Variants in SLC30A8 observed in about 807,000 individuals in gnomAD.
SLC30A8 encodes solute carrier family 30 member 8, also known as proton-coupled zinc antiporter SLC30A8.
SLC30A8 carries 27 observed loss-of-function variants against 36.9 expected under a neutral mutation model. That is an observed-to-expected ratio of 0.73 (90% CI 0.54 to 1.01). The LOEUF is 1.01. SLC30A8 is among the 50% of genes least tolerant of loss of function. The pLI is 0.00. For missense variants in SLC30A8, 439 were observed against 452.0 expected (o/e 0.97, Z 0.26); for synonymous variants, 164 against 172.4 (o/e 0.95, Z 0.38).
chr8:116,987,605 C>T (rs1815491744), intron 1 of SLC30A8, among the ~76,000 whole-genome samples: 1 of 150,902 alleles, frequency 6.6e-6, no homozygotes, highest in East Asian at 1.9e-4. Context: ...ATCCAGGCAT[C>T]TCACTACTAT....
intron 1 of SLC30A8, among the ~76,000 whole-genome samples, chr8:116,961,375 G>A (rs1339380815): frequency 1.3e-5 from 2 of 152,266 alleles, no homozygotes; most frequent in East Asian, 3.9e-4. Context: ...CTTGCAGTGA[G>A]CCGAGATCGC....
At chr8:117,001,419 A>G (rs1037653761) in intron 1 of SLC30A8, among the ~76,000 whole-genome samples, 7 of 152,104 alleles carry the variant, frequency 4.6e-5, no homozygotes, top group Non-Finnish European at 8.8e-5. Flanking sequence ...CAGCCTGACT[A>G]TCTCTCTTCT....
In SLC30A8 at chr8:117,035,862, GC is replaced by G. The variant is rs536516596; in HGVS notation, c.-265-3352del. ...CTTGCACCTCTAAAGCTGTACCTCA[GC>G]CCCCTTTAGCCACAGCTGGAGCTGG... On this transcript the variant is annotated intron_variant, in intron 1 of 10. Transcript: ENST00000427715. Among the ~76,000 whole-genome samples the G allele has an allele frequency of 7.1e-3, 1,075 of 152,308 alleles. 6 individuals carry two copies. The highest frequency in any genetic ancestry group is 0.013 in the Non-Finnish European group (854 of 68,018).
chr8:117,121,288 T>G (rs1820683609), intron 2 of SLC30A8, among the ~76,000 whole-genome samples: 1 of 151,964 alleles, frequency 6.6e-6, no homozygotes, highest in African/African-American at 2.4e-5. Context: ...GGTATATACA[T>G]ACAATGGAAT....
intron 2 of SLC30A8, among the ~76,000 whole-genome samples, chr8:117,117,108 T>G (rs1414180128): frequency 6.6e-6 from 1 of 151,980 alleles, no homozygotes; most frequent in Non-Finnish European, 1.5e-5. Context: ...AGACCCATCT[T>G]TAGAATAATT....
At chr8:117,052,116 T>A (rs1817729313) in intron 2 of SLC30A8, among the ~76,000 whole-genome samples, 1 of 152,164 alleles carries the variant, frequency 6.6e-6, no homozygotes, top group African/African-American at 2.4e-5. Context: ...GTTCAAGCGA[T>A]TCTCCTGCCT....
chr8:117,014,796 C>G (rs918099573), intron 1 of SLC30A8, among the ~76,000 whole-genome samples: 1 of 152,094 alleles, frequency 6.6e-6, no homozygotes, highest in African/African-American at 2.4e-5. Flanking sequence ...TACCCTTCCT[C>G]AGTTCCCTGC....
intron 2 of SLC30A8, among the ~76,000 whole-genome samples, chr8:117,051,602 A>G (rs1176582049): frequency 6.6e-6 from 1 of 152,102 alleles, no homozygotes; most frequent in African/African-American, 2.4e-5. Flanking sequence ...TCACAAGGTC[A>G]GGAGATCGAG....
chr8:117,020,083 A>G (rs1337203664), intron 1 of SLC30A8, among the ~76,000 whole-genome samples: 2 of 152,320 alleles, frequency 1.3e-5, no homozygotes, highest in African/African-American at 4.8e-5. Flanking sequence ...GGGCTCAGTC[A>G]TAGGAGGAGA....
chr8:117,031,311 A>G (rs1354430201), intron 1 of SLC30A8, among the ~76,000 whole-genome samples: 1 of 152,222 alleles, frequency 6.6e-6, no homozygotes, highest in Non-Finnish European at 1.5e-5. Context: ...TTTAGAGAGA[A>G]ACAGTAATCA....
chr8:116,957,001 C>G (rs747671229), intron 1 of SLC30A8, among the ~76,000 whole-genome samples: 22 of 152,122 alleles, frequency 1.4e-4, no homozygotes, highest in Non-Finnish European at 2.6e-4. Flanking sequence ...TTTCAATACT[C>G]ATGATATGAG....
intron 1 of SLC30A8, among the ~76,000 whole-genome samples, chr8:116,986,632 G>A (rs1310167850): frequency 6.6e-6 from 1 of 152,106 alleles, no homozygotes; most frequent in Non-Finnish European, 1.5e-5. Flanking sequence ...TGGTGTTCAG[G>A]GAGAATTAAT....
intron 2 of SLC30A8, among the ~76,000 whole-genome samples, chr8:117,128,023 G>GC (rs1820977505): frequency 6.6e-6 from 1 of 152,038 alleles, no homozygotes; most frequent in South Asian, 2.1e-4. Context: ...TTTAGCATCA[G>GC]CTTAGAGCTT....
chr8:117,019,950 C>A (rs10429430), intron 1 of SLC30A8, among the ~76,000 whole-genome samples: 65,795 of 152,050 alleles, frequency 0.43, 14,890 homozygotes, highest in East Asian at 0.55. Context: ...TGTAGGACAA[C>A]AACACTTTCA....
In SLC30A8 at chr8:117,174,252, G is replaced by A. The variant is rs1052068923; in HGVS notation, c.*1571G>A. On this transcript the variant is annotated 3_prime_UTR_variant, in exon 8 of 8. Coordinates refer to ENST00000456015, the MANE Select transcript of SLC30A8 (RefSeq NM_173851.3). Reference sequence around the variant, plus strand: ...AGGCATTAATAATTGTTGAGGCAATGACTCTGAGGCTATATCTGGGCCTTG... The same window carrying A: ...AGGCATTAATAATTGTTGAGGCAATAACTCTGAGGCTATATCTGGGCCTTG... 1.3e-5 allele frequency: 2 copies of A among 152,124 alleles called. No individual in the cohort carries two copies. Among genetic ancestry groups the A allele is most frequent in the African/African-American group, 4.8e-5 (2 of 41,442 alleles). The allele number at this position is 152,124 out of a possible 1,614,324, so 9.4% of individuals were successfully genotyped here.
chr8:117,114,291 G>T (rs979419936), intron 2 of SLC30A8, among the ~76,000 whole-genome samples: 7 of 152,050 alleles, frequency 4.6e-5, no homozygotes, highest in Non-Finnish European at 1.0e-4. Flanking sequence ...AATTGACAAG[G>T]ACCATCACTG....
intron 2 of SLC30A8, among the ~76,000 whole-genome samples, chr8:117,092,242 C>A (rs1819164212): frequency 6.6e-6 from 1 of 152,126 alleles, no homozygotes; most frequent in South Asian, 2.1e-4. Flanking sequence ...AGTGACTCCT[C>A]ATATGAGCAA....
At chr8:117,134,311 A>C (rs919266809), upstream of SLC30A8, among the ~76,000 whole-genome samples, 3 of 152,010 alleles carry the variant, frequency 2.0e-5, no homozygotes, top group Admixed American at 2.0e-4. Context: ...TCCAGTCTGC[A>C]CAACCCCCTC....
chr8:117,015,118 G>A (rs951983584), intron 1 of SLC30A8, among the ~76,000 whole-genome samples: 1 of 151,860 alleles, frequency 6.6e-6, no homozygotes, highest in African/African-American at 2.4e-5. Flanking sequence ...GGTGAGGGGA[G>A]CTTATAGGAA....
Sources: allele counts gnomAD v4.1 joint callset (sites outside exome capture counted in the v4.1 genomes callset), GRCh38; gene constraint gnomAD v4.1.1; transcripts MANE v1.5; gene names NCBI Gene and HGNC (gene_info 2026-07-23, HGNC 2026-07-21).